TECRL: variants seen among roughly 807,000 people sequenced by gnomAD.
TECRL encodes trans-2,3-enoyl-CoA reductase like.
Under a neutral mutation model 52.8 loss-of-function variants are expected in TECRL, and 63 were observed. The ratio of observed to expected loss-of-function variants is 1.19; its 90% CI spans 0.97 to 1.47. The LOEUF is 1.47. TECRL is among the 40% of genes most tolerant of loss of function. The pLI is 0.00. For missense variants in TECRL, 482 were observed against 429.6 expected (o/e 1.12, Z -1.08); for synonymous variants, 164 against 141.9 (o/e 1.16, Z -1.10).
At chr4:64,301,234 A>C (rs1442146738) in intron 7 of TECRL, among the ~76,000 whole-genome samples, 1 of 151,006 alleles carries the variant, frequency 6.6e-6, no homozygotes, top group Non-Finnish European at 1.5e-5. Flanking sequence ...AGTGAATATT[A>C]TTATTTTCCC....
At chr4:64,375,255 A>T (rs558369437) in intron 1 of TECRL, 32 bp from the exon 2 acceptor site, 16 of 1,127,964 alleles carry the variant, frequency 1.4e-5, no homozygotes, top group East Asian at 9.4e-5. Flanking sequence ...AGTTATTTTT[A>T]AAAACTGTTA....
At chr4:64,289,207 T>C (rs1336109088) in intron 9 of TECRL, among the ~76,000 whole-genome samples, 3 of 152,184 alleles carry the variant, frequency 2.0e-5, no homozygotes, top group Admixed American at 2.0e-4. Context: ...CACAGTTACT[T>C]TTGCACCAAC....
In TECRL at chr4:64,409,363, A is replaced by G. The variant is rs1553923852; in HGVS notation, c.-12T>C. 1.9e-6 allele frequency: 3 copies of G among 1,610,390 alleles called. No individual in the cohort carries two copies. Among genetic ancestry groups the G allele is most frequent in the South Asian group, 2.2e-5 (2 of 90,850 alleles). On this transcript the variant is annotated 5_prime_UTR_variant, in exon 1 of 12. Transcript: ENST00000381210. ...TGCCTTTTGAACATTGTGTGAACTA[A>G]GAGGAGGGTCTGTCATGTCAAAAGT...
intron 2 of TECRL, among the ~76,000 whole-genome samples, chr4:64,368,508 C>T (rs1235628981): frequency 1.3e-5 from 2 of 152,060 alleles, no homozygotes; most frequent in African/African-American, 4.8e-5. Context: ...GTTGACCAGG[C>T]TGGTCTCAAA....
At chr4:64,343,579 C>G (rs959223581) in intron 2 of TECRL, among the ~76,000 whole-genome samples, 1 of 151,564 alleles carries the variant, frequency 6.6e-6, no homozygotes, top group African/African-American at 2.4e-5. Context: ...CATGCACACA[C>G]ACACAGACAC....
At chr4:64,367,280 C>A (rs796536904) in intron 2 of TECRL, among the ~76,000 whole-genome samples, 1 of 151,900 alleles carries the variant, frequency 6.6e-6, no homozygotes, top group Non-Finnish European at 1.5e-5. Flanking sequence ...ACTACCTATT[C>A]GTTACTATGT....
chr4:64,358,499 G>T (rs1720942712), intron 2 of TECRL, among the ~76,000 whole-genome samples: 1 of 151,590 alleles, frequency 6.6e-6, no homozygotes, highest in South Asian at 2.1e-4. Flanking sequence ...ATAGGAAAAG[G>T]TATTGGAGAA....
chr4:64,394,696 G>T (rs963675753), intron 1 of TECRL, among the ~76,000 whole-genome samples: 1 of 152,072 alleles, frequency 6.6e-6, no homozygotes. Flanking sequence ...ACACTACGTG[G>T]TGGAGGAGAG....
chr4:64,300,022 A>T lies in TECRL; in HGVS notation c.731-5T>A. 1 of 1,570,392 alleles carries T rather than the reference A, an allele frequency of 6.4e-7. No homozygotes were observed. The highest frequency in any genetic ancestry group is 8.7e-7 in the Non-Finnish European group (1 of 1,154,656). On this transcript the variant is annotated splice_polypyrimidine_tract_variant and splice_region_variant and intron_variant, in intron 7 of 11. Coordinates refer to ENST00000381210, the MANE Select transcript of TECRL (RefSeq NM_001010874.5). ...TGATTTGCCTGTTTCCAAATGCTGG[A>T]GAGTAGAAAAAGAATATGTCATGCA...
rs975361522 is a variant in TECRL, at chr4:64,331,956, T to C, written c.287-3400A>G. 8.5e-5 allele frequency among the ~76,000 whole-genome samples: 13 copies of C among 152,244 alleles called. No homozygotes were observed. In the East Asian group the frequency reaches 1.4e-3, roughly 16 times the overall value. The stretch of plus-strand genomic sequence containing the variant: ...TTAATTGCAATGACAAACTACATAT[T>C]CCATCTCATCCATCCCTCCTGCTGA... On this transcript the variant is annotated intron_variant, in intron 2 of 11. Transcript: ENST00000381210.
intron 1 of TECRL, among the ~76,000 whole-genome samples, chr4:64,408,543 C>T (rs1224659141): frequency 6.6e-6 from 1 of 151,958 alleles, no homozygotes; most frequent in Non-Finnish European, 1.5e-5. Context: ...CATTTCAAAA[C>T]ATTATTTTCA....
chr4:64,374,056 T>TATATATATATAGTAGATAC (rs1406408010), intron 2 of TECRL, among the ~76,000 whole-genome samples: 5 of 32,138 alleles, frequency 1.6e-4, no homozygotes, highest in Non-Finnish European at 6.6e-4. Context: ...TAGATACATA[T>TATATATATATAGTAGATAC]ATATATATAT....
At chr4:64,365,008 A>C (rs1721493984) in intron 2 of TECRL, among the ~76,000 whole-genome samples, 3 of 152,110 alleles carry the variant, frequency 2.0e-5, no homozygotes. Context: ...AATTGTCGAC[A>C]AAACAGTAAC....
intron 1 of TECRL, among the ~76,000 whole-genome samples, chr4:64,385,518 A>G (rs1723117145): frequency 1.3e-5 from 2 of 152,098 alleles, no homozygotes; most frequent in Non-Finnish European, 2.9e-5. Flanking sequence ...GATACTGCAT[A>G]GGCTGGGTGC....
In TECRL at chr4:64,314,590, GGTGTGTGTGTGTGT is replaced by G. The variant is rs5858876; in HGVS notation, c.551+44_551+57del. 40,180 of 740,964 alleles carry G rather than the reference GGTGTGTGTGTGTGT, an allele frequency of 0.054. 511 individuals carry two copies. The highest frequency in any genetic ancestry group is 0.079 in the African/African-American group (4,209 of 53,508). The allele number at this position is 740,964 out of a possible 1,614,324, so 45.9% of individuals were successfully genotyped here. On this transcript the variant is annotated intron_variant, in intron 5 of 11. Coordinates refer to ENST00000381210, the MANE Select transcript of TECRL (RefSeq NM_001010874.5). ...AGTTCATCCCCTCCTTAACGTGTAT[GGTGTGTGTGTGTGT>G]GTGTGTGTGTGTGTGTGTGTGTGTG...
chr4:64,374,609 T>A (rs1722256021), intron 2 of TECRL, among the ~76,000 whole-genome samples: 1 of 151,652 alleles, frequency 6.6e-6, no homozygotes, highest in Non-Finnish European at 1.5e-5. Flanking sequence ...CCCCTTCCTG[T>A]GTCCATGTGT....
At chr4:64,318,279 A>G (rs1577862842) in intron 4 of TECRL, among the ~76,000 whole-genome samples, 1 of 152,164 alleles carries the variant, frequency 6.6e-6, no homozygotes, top group Admixed American at 6.5e-5. Context: ...CACAAACTTT[A>G]ACAAAAACTA....
intron 1 of TECRL, among the ~76,000 whole-genome samples, chr4:64,406,464 A>G (rs1373729448): frequency 5.9e-5 from 9 of 151,872 alleles, no homozygotes; most frequent in African/African-American, 2.2e-4. Flanking sequence ...AAGTTATCAA[A>G]AGGCTCAGCA....
At chr4:64,339,745 C>G (rs1294599495) in intron 2 of TECRL, among the ~76,000 whole-genome samples, 1 of 152,110 alleles carries the variant, frequency 6.6e-6, no homozygotes, top group Non-Finnish European at 1.5e-5. Context: ...TACCCCCAAA[C>G]TAGAGATTTC....
Sources: gnomAD v4.1 joint callset for allele counts (sites outside exome capture counted in the v4.1 genomes callset) on GRCh38, gnomAD v4.1.1 for gene constraint, MANE v1.5 for transcripts, NCBI Gene and HGNC (gene_info 2026-07-23, HGNC 2026-07-21) for gene names.